SLC44A5: variants seen among roughly 807,000 people sequenced by gnomAD.
SLC44A5 encodes the protein choline transporter-like protein 5.
SLC44A5 carries 57 observed loss-of-function variants against 101.8 expected under a neutral mutation model. The observed-to-expected ratio is 0.56, with a 90% CI of 0.45 to 0.70. The LOEUF is 0.70. SLC44A5 is among the 30% of genes least tolerant of loss of function. SLC44A5 has a pLI of 0.00. For synonymous variants in SLC44A5, 281 were observed against 290.9 expected (o/e 0.97, Z 0.35); for missense variants, 737 against 853.1 (o/e 0.86, Z 1.70).
At chr1:75,508,852 T>C (rs1359885148) in intron 2 of SLC44A5, among the ~76,000 whole-genome samples, 1 of 152,206 alleles carries the variant, frequency 6.6e-6, no homozygotes, top group Non-Finnish European at 1.5e-5. Context: ...TTAGGGAATC[T>C]AGGGAAGAGA....
At chr1:75,476,397 G>A (rs1244840134) in intron 2 of SLC44A5, among the ~76,000 whole-genome samples, 1 of 152,166 alleles carries the variant, frequency 6.6e-6, no homozygotes, top group Admixed American at 6.5e-5. Context: ...CAGACAGTGG[G>A]CGCAGGACAG....
At chr1:75,282,532 T>C (rs1652689123) in intron 5 of SLC44A5, among the ~76,000 whole-genome samples, 1 of 151,990 alleles carries the variant, frequency 6.6e-6, no homozygotes, top group Non-Finnish European at 1.5e-5. Context: ...GGGCCAGGGG[T>C]GGAATAATAT....
chr1:75,566,399 G>A (rs1416046006), intron 1 of SLC44A5, among the ~76,000 whole-genome samples: 4 of 152,198 alleles, frequency 2.6e-5, no homozygotes, highest in Non-Finnish European at 4.4e-5. Flanking sequence ...TCCAGCTGCA[G>A]TTAAAGCAGA....
intron 2 of SLC44A5, among the ~76,000 whole-genome samples, chr1:75,454,820 C>A (rs1284240562): frequency 6.6e-6 from 1 of 151,868 alleles, no homozygotes; most frequent in Non-Finnish European, 1.5e-5. Context: ...AGAAATGCAT[C>A]CAACCATGGT....
chr1:75,571,846 A>G (rs1475365777), intron 1 of SLC44A5, among the ~76,000 whole-genome samples: 1 of 152,254 alleles, frequency 6.6e-6, no homozygotes, highest in Non-Finnish European at 1.5e-5. Context: ...AAAGTTGTTC[A>G]GTTGAAAACA....
the SLC44A5 span, among the ~76,000 whole-genome samples, chr1:75,664,916 G>A: frequency 4.1e-3 from 461 of 111,510 alleles, 2 homozygotes; most frequent in Non-Finnish European, 6.0e-3. Flanking sequence ...GCAAGATTCC[G>A]TCTCAAAAAA....
At chr1:75,482,024 T>C (rs1667888669) in intron 2 of SLC44A5, among the ~76,000 whole-genome samples, 1 of 152,092 alleles carries the variant, frequency 6.6e-6, no homozygotes, top group African/African-American at 2.4e-5. Flanking sequence ...CCAACCCAAA[T>C]GTCCAACAAT....
At chr1:75,272,963 CT>C (rs1181540594) in intron 6 of SLC44A5, among the ~76,000 whole-genome samples, 1 of 151,902 alleles carries the variant, frequency 6.6e-6, no homozygotes, top group South Asian at 2.1e-4. Flanking sequence ...TTGTAGATTG[CT>C]TTTGGCAGTA....
chr1:75,427,459 TG>T (rs1301034827), intron 2 of SLC44A5, among the ~76,000 whole-genome samples: 2 of 152,248 alleles, frequency 1.3e-5, no homozygotes, highest in African/African-American at 2.4e-5. Flanking sequence ...CTTCTATTTC[TG>T]TAGGCTTACA....
intron 5 of SLC44A5, among the ~76,000 whole-genome samples, chr1:75,297,436 C>G (rs1325319736): frequency 6.6e-6 from 1 of 152,066 alleles, no homozygotes; most frequent in Non-Finnish European, 1.5e-5. Flanking sequence ...AGGAGCACAC[C>G]ATGACACCTG....
chr1:75,665,121 A>C, the SLC44A5 span, among the ~76,000 whole-genome samples: 90 of 152,096 alleles, frequency 5.9e-4, no homozygotes, highest in African/African-American at 2.1e-3. Flanking sequence ...AAAATTCATA[A>C]GGAAACAAAC....
intron 18 of SLC44A5, among the ~76,000 whole-genome samples, chr1:75,216,366 T>C (rs976990086): frequency 2.0e-5 from 3 of 152,002 alleles, no homozygotes; most frequent in African/African-American, 4.8e-5. Context: ...TTGGGTTGTT[T>C]ATACCTTCTG....
At chr1:75,664,722 C>T in the SLC44A5 span, among the ~76,000 whole-genome samples, 1 of 151,970 alleles carries the variant, frequency 6.6e-6, no homozygotes, top group African/African-American at 2.4e-5. Flanking sequence ...GAGATCGAGA[C>T]TATCCTGGCT....
At chr1:75,349,183 A>G (rs1249843) in intron 3 of SLC44A5, among the ~76,000 whole-genome samples, 71,744 of 151,902 alleles carry the variant, frequency 0.47, 18,561 homozygotes, top group Non-Finnish European at 0.6. Context: ...CTTAAAATAT[A>G]TAAAAAATTA....
chr1:75,628,977 G>C, the SLC44A5 span, among the ~76,000 whole-genome samples: 2 of 151,910 alleles, frequency 1.3e-5, no homozygotes, highest in Non-Finnish European at 2.9e-5. Context: ...GGAACTATTG[G>C]AAATCTCCCT....
rs10567313 is a variant in SLC44A5 at position 75,414,282 on chromosome 1, T to TATAC, written c.14-17665_14-17662dup. Among the ~76,000 whole-genome samples, 625 of 148,632 alleles carry TATAC rather than the reference T, an allele frequency of 4.2e-3. 7 individuals carry two copies. Among genetic ancestry groups the TATAC allele is most frequent in the South Asian group, 0.02 (97 of 4,732 alleles). On this transcript the variant is annotated intron_variant, in intron 2 of 23. Transcript: ENST00000370859. The stretch of plus-strand genomic sequence containing the variant: ...ACCTTGGGCTTTATATATACACATA[T>TATAC]ATACATACATACATACATACATACA...
chr1:75,402,509 G>C (rs1400792591), intron 2 of SLC44A5: 2 of 318,006 alleles, frequency 6.3e-6, no homozygotes, highest in Non-Finnish European at 1.3e-5. Context: ...ATAGGGACTG[G>C]TTAGACAATG....
At chr1:75,673,304 G>T in the SLC44A5 span, among the ~76,000 whole-genome samples, 1 of 151,868 alleles carries the variant, frequency 6.6e-6, no homozygotes, top group Non-Finnish European at 1.5e-5. Flanking sequence ...GTGGGTCGGG[G>T]GTGTGATGAC....
intron 2 of SLC44A5, among the ~76,000 whole-genome samples, chr1:75,484,218 C>G (rs921246281): frequency 6.6e-6 from 1 of 152,132 alleles, no homozygotes. Context: ...AGTTCTGAGA[C>G]AAGGCAAGTC....
Sources: gnomAD v4.1 joint callset for allele counts (sites outside exome capture counted in the v4.1 genomes callset) on GRCh38, gnomAD v4.1.1 for gene constraint, MANE v1.5 for transcripts, NCBI Gene and HGNC (gene_info 2026-07-23, HGNC 2026-07-21) for gene names.